ACYP2: variants seen among roughly 807,000 people sequenced by gnomAD.
ACYP2 encodes acylphosphatase-2.
A neutral mutation model predicts 11.2 loss-of-function variants in ACYP2; 12 were observed. That is an observed-to-expected ratio of 1.08 (90% confidence interval 0.69 to 1.74). The LOEUF (loss-of-function observed/expected upper bound fraction) is 1.74. ACYP2 is among the 40% of genes most tolerant of loss of function. The pLI, the probability that ACYP2 is intolerant of heterozygous loss-of-function variation, is 0.00. For synonymous variants in ACYP2, 43 were observed against 32.2 expected (o/e 1.33, Z -1.13); for missense variants, 134 against 101.9 (o/e 1.31, Z -1.35).
At chr2:54,022,830 A>G (rs1471038499) in intron 2 of ACYP2, among the ~76,000 whole-genome samples, 1 of 152,166 alleles carries the variant, frequency 6.6e-6, no homozygotes, top group East Asian at 1.9e-4. Flanking sequence ...ACGCCTCCCA[A>G]GAGGAATCCG....
At chr2:54,195,794 G>GGTTTTTT (rs1553389697) in intron 6 of ACYP2, among the ~76,000 whole-genome samples, 2 of 83,134 alleles carry the variant, frequency 2.4e-5, no homozygotes, top group African/African-American at 9.9e-5. Context: ...TTTGTTGTGG[G>GGTTTTTT]TTTTTTTTTT....
chr2:53,999,549 A>G (rs2104526177), intron 2 of ACYP2, among the ~76,000 whole-genome samples: 1 of 152,296 alleles, frequency 6.6e-6, no homozygotes, highest in East Asian at 1.9e-4. Flanking sequence ...GTCAGTGCTG[A>G]AAACCAACCT....
intron 4 of ACYP2, among the ~76,000 whole-genome samples, chr2:54,121,710 C>A (rs979810243): frequency 2.3e-4 from 35 of 152,178 alleles, no homozygotes; most frequent in Admixed American, 2.2e-3. Context: ...TGTCTTTGTT[C>A]TTATAGTATT....
chr2:54,183,678 A>G (rs1269429181), intron 6 of ACYP2, among the ~76,000 whole-genome samples: 1 of 152,228 alleles, frequency 6.6e-6, no homozygotes, highest in African/African-American at 2.4e-5. Context: ...AAAATGTGAA[A>G]TATTAAATTA....
At chr2:54,164,529 A>G (rs1288355579) in intron 6 of ACYP2, among the ~76,000 whole-genome samples, 1 of 152,224 alleles carries the variant, frequency 6.6e-6, no homozygotes, top group African/African-American at 2.4e-5. Flanking sequence ...AGAAGACTGC[A>G]GGAAATACAG....
At chr2:54,061,596 G>A (rs1251629201) in intron 4 of ACYP2, among the ~76,000 whole-genome samples, 1 of 152,194 alleles carries the variant, frequency 6.6e-6, no homozygotes, top group Non-Finnish European at 1.5e-5. Flanking sequence ...TAGCATAAAA[G>A]GGTTTTAATG....
intron 6 of ACYP2, among the ~76,000 whole-genome samples, chr2:54,298,952 C>CGT (rs1689621581): frequency 6.6e-6 from 1 of 151,922 alleles, no homozygotes; most frequent in South Asian, 2.1e-4. Flanking sequence ...GGGGTTTCAC[C>CGT]GTGTTGGCCA....
intron 2 of ACYP2, among the ~76,000 whole-genome samples, chr2:54,005,687 A>T (rs1159559656): frequency 6.6e-6 from 1 of 152,154 alleles, no homozygotes; most frequent in East Asian, 1.9e-4. Context: ...AGATCAATTC[A>T]TTTATTCATT....
At chr2:54,008,338 T>G (rs879751232) in intron 2 of ACYP2, among the ~76,000 whole-genome samples, 1 of 152,218 alleles carries the variant, frequency 6.6e-6, no homozygotes, top group South Asian at 2.1e-4. Flanking sequence ...ATTGGAAGTC[T>G]TCAGACTTCA....
intron 4 of ACYP2, among the ~76,000 whole-genome samples, chr2:54,062,610 G>A (rs944200402): frequency 6.6e-6 from 1 of 152,182 alleles, no homozygotes; most frequent in Admixed American, 6.5e-5. Context: ...ATAGCACAAA[G>A]GCAAAGAGTT....
intron 6 of ACYP2, among the ~76,000 whole-genome samples, chr2:54,147,047 C>T (rs1681927305): frequency 6.6e-6 from 1 of 151,444 alleles, no homozygotes; most frequent in African/African-American, 2.4e-5. Context: ...CTGCCAGCCT[C>T]AGCCTCCCAA....
At chr2:54,264,317 A>C (rs934210440) in intron 6 of ACYP2, among the ~76,000 whole-genome samples, 2 of 152,068 alleles carry the variant, frequency 1.3e-5, no homozygotes, top group African/African-American at 4.8e-5. Flanking sequence ...GTGGAAGGCG[A>C]CCCAAGCAGG....
chr2:54,202,912 A>G (rs778146020), intron 6 of ACYP2, among the ~76,000 whole-genome samples: 43 of 151,698 alleles, frequency 2.8e-4, no homozygotes, highest in Admixed American at 1.3e-3. Context: ...TGAGTCCTCC[A>G]ACTTTAGACT....
chr2:54,255,440 G>A (rs1328744796), intron 6 of ACYP2: 3 of 1,613,920 alleles, frequency 1.9e-6, no homozygotes, highest in Admixed American at 1.7e-5. Flanking sequence ...CTCTGCTCCA[G>A]GTAGTATTCA....
intron 3 of ACYP2, chr2:54,051,824 CA>C: frequency 2.7e-6 from 1 of 364,024 alleles, no homozygotes; most frequent in Non-Finnish European, 5.1e-6. Context: ...GCAGGAAAAT[CA>C]CCTGAGGTCA....
At chr2:54,204,199 A>G (rs868373689) in intron 6 of ACYP2, among the ~76,000 whole-genome samples, 10 of 151,724 alleles carry the variant, frequency 6.6e-5, no homozygotes, top group Non-Finnish European at 1.2e-4. Flanking sequence ...GAATTTCACC[A>G]TATTGGCCAG....
At chr2:54,208,861 G>T (rs1273471356) in intron 6 of ACYP2, among the ~76,000 whole-genome samples, 1 of 152,072 alleles carries the variant, frequency 6.6e-6, no homozygotes, top group Non-Finnish European at 1.5e-5. Flanking sequence ...CCAATTGTGT[G>T]ATTGTGTGTG....
In ACYP2 at chr2:54,051,508, T is replaced by C. The variant is rs528467475; in HGVS notation, c.155+458T>C. 3 of 707,344 alleles carry C rather than the reference T, an allele frequency of 4.2e-6. No individual in the cohort carries two copies. In the East Asian group the frequency reaches 7.4e-5, roughly 18 times the overall value. 43.8% of individuals were successfully genotyped at this position (707,344 alleles called of 1,614,324 possible). ...ACCCAAGAGGACTCCTTTGGGCTTTTTTTCTGTTCTGTTCTGAGAATTGCC... is the reference window on the plus strand; with the variant it reads ...ACCCAAGAGGACTCCTTTGGGCTTTCTTTCTGTTCTGTTCTGAGAATTGCC... On this transcript the variant is annotated intron_variant, in intron 3 of 6. Transcript: ENST00000607452.
chr2:54,134,963 C>T (rs188829886), intron 4 of ACYP2, among the ~76,000 whole-genome samples: 4 of 152,352 alleles, frequency 2.6e-5, no homozygotes, highest in East Asian at 3.8e-4. Flanking sequence ...ATCTTAGCAG[C>T]GTCAGCATAC....
Sources: gnomAD v4.1 joint callset for allele counts (sites outside exome capture counted in the v4.1 genomes callset) on GRCh38, gnomAD v4.1.1 for gene constraint, MANE v1.5 for transcripts, NCBI Gene and HGNC (gene_info 2026-07-23, HGNC 2026-07-21) for gene names.